CPED1: variants seen among roughly 807,000 people sequenced by gnomAD.
CPED1 encodes the protein cadherin-like and PC-esterase domain-containing protein 1.
CPED1 carries 114 observed loss-of-function variants against 128.2 expected under a neutral mutation model. The ratio of observed to expected loss-of-function variants is 0.89; its 90% CI spans 0.76 to 1.04. CPED1 has a LOEUF of 1.04. CPED1 is among the 50% of genes least tolerant of loss of function. CPED1 has a pLI of 0.00. For synonymous variants in CPED1, 462 were observed against 426.7 expected (o/e 1.08, Z -1.02); for missense variants, 1,211 against 1,207.1 (o/e 1.00, Z -0.05).
intron 3 of CPED1, among the ~76,000 whole-genome samples, chr7:121,017,727 A>G (rs1429968738): frequency 1.3e-5 from 2 of 152,160 alleles, no homozygotes; most frequent in East Asian, 1.9e-4. Flanking sequence ...CAGATGGATT[A>G]TATCTCCTCT....
intron 3 of CPED1, among the ~76,000 whole-genome samples, chr7:121,044,664 T>TTTTTTTTTTTTTTTTTTTA (rs1253162000): frequency 7.1e-6 from 1 of 141,016 alleles, no homozygotes; most frequent in African/African-American, 2.7e-5. Flanking sequence ...TTTTTTTTTT[T>TTTTTTTTTTTTTTTTTTTA]TTTTTGCTAT....
chr7:121,058,315 A>G lies in CPED1; in HGVS notation c.541-5923A>G, dbSNP rs559565872. Among the ~76,000 whole-genome samples the G allele has an allele frequency of 5.9e-5, 9 of 152,298 alleles. No homozygotes were observed. The East Asian group carries it at 1.3e-3, about 23-fold the overall frequency. ...ATTGTTTTGTCGAAGTAAGCTATCC[A>G]TCAAGCAAAGACCAAAACAGGGAGA... is the stretch of plus-strand genomic sequence containing the variant. On this transcript the variant is annotated intron_variant, in intron 4 of 22. Transcript: ENST00000310396.
intron 18 of CPED1, among the ~76,000 whole-genome samples, chr7:121,260,663 ATG>A (rs1187815183): frequency 6.6e-6 from 1 of 151,812 alleles, no homozygotes; most frequent in East Asian, 1.9e-4. Flanking sequence ...ATCTATAGCA[ATG>A]TGAAAGCTCT....
intron 16 of CPED1, among the ~76,000 whole-genome samples, chr7:121,167,057 A>G (rs1019254116): frequency 2.6e-5 from 4 of 152,150 alleles, no homozygotes; most frequent in Non-Finnish European, 5.9e-5. Flanking sequence ...CTCAGGGAGG[A>G]AGGTAAAAAC....
intron 4 of CPED1, among the ~76,000 whole-genome samples, chr7:121,063,621 A>G (rs1793744702): frequency 1.3e-5 from 2 of 152,176 alleles, no homozygotes; most frequent in African/African-American, 4.8e-5. Context: ...GTTGGTTTTA[A>G]CAAGGTTTTC....
chr7:121,203,548 C>T (rs993127368), intron 16 of CPED1, among the ~76,000 whole-genome samples: 4 of 152,114 alleles, frequency 2.6e-5, no homozygotes, highest in Admixed American at 1.3e-4. Flanking sequence ...GGCTCCCTAA[C>T]TGCCCCTGTG....
intron 7 of CPED1, 44 bp from the exon 8 acceptor site, chr7:121,124,283 AAACT>A (rs1355279537): frequency 6.5e-7 from 1 of 1,534,078 alleles, no homozygotes; most frequent in African/African-American, 1.4e-5. Flanking sequence ...AATGATAGAC[AAACT>A]GAGGCTATTG....
intron 16 of CPED1, among the ~76,000 whole-genome samples, chr7:121,221,921 A>C (rs1299645262): frequency 2.0e-5 from 3 of 152,062 alleles, no homozygotes; most frequent in Non-Finnish European, 4.4e-5. Flanking sequence ...GTTCACTCTG[A>C]TGGTAGTTTC....
At chr7:121,137,926 T>C (rs544562057) in intron 14 of CPED1, among the ~76,000 whole-genome samples, 1 of 152,214 alleles carries the variant, frequency 6.6e-6, no homozygotes, top group East Asian at 1.9e-4. Context: ...TTTTCTCATT[T>C]GTAAAATGAA....
intron 4 of CPED1, among the ~76,000 whole-genome samples, chr7:121,061,952 A>G (rs773100192): frequency 6.6e-6 from 1 of 152,204 alleles, no homozygotes; most frequent in African/African-American, 2.4e-5. Flanking sequence ...CCAGAGTAGA[A>G]TAGAGGTGAT....
At chr7:121,253,539 A>C (rs549787515) in intron 18 of CPED1, among the ~76,000 whole-genome samples, 41 of 152,194 alleles carry the variant, frequency 2.7e-4, no homozygotes, top group African/African-American at 9.1e-4. Context: ...CATAACAACC[A>C]GCTAATAAAA....
chr7:121,101,860 G>A (rs552879654), intron 7 of CPED1, among the ~76,000 whole-genome samples: 1 of 152,142 alleles, frequency 6.6e-6, no homozygotes, highest in African/African-American at 2.4e-5. Flanking sequence ...AGCCATTCAT[G>A]AGTGATCCAC....
At chr7:120,991,474 G>A (rs550868325) in intron 2 of CPED1, among the ~76,000 whole-genome samples, 13 of 152,276 alleles carry the variant, frequency 8.5e-5, no homozygotes, top group African/African-American at 2.4e-4. Flanking sequence ...ATTGAGAAAG[G>A]CAATTTCTTA....
chr7:121,087,494 G>C (rs938505517), intron 5 of CPED1, among the ~76,000 whole-genome samples: 1 of 152,040 alleles, frequency 6.6e-6, no homozygotes, highest in Non-Finnish European at 1.5e-5. Flanking sequence ...TCTGTATTTT[G>C]ACATTTTTTT....
At chr7:121,042,064 C>A (rs1215868357) in intron 3 of CPED1, among the ~76,000 whole-genome samples, 1 of 151,666 alleles carries the variant, frequency 6.6e-6, no homozygotes, top group Non-Finnish European at 1.5e-5. Context: ...CTATTTAAGA[C>A]CTTGGTAAGC....
intron 16 of CPED1, among the ~76,000 whole-genome samples, chr7:121,214,874 T>C (rs958243760): frequency 7.9e-5 from 12 of 152,032 alleles, no homozygotes; most frequent in African/African-American, 2.9e-4. Flanking sequence ...GATCAGTGAG[T>C]AATCTTTGAA....
intron 18 of CPED1, among the ~76,000 whole-genome samples, chr7:121,265,071 G>T (rs1792094237): frequency 6.6e-6 from 1 of 152,038 alleles, no homozygotes; most frequent in African/African-American, 2.4e-5. Flanking sequence ...TGTTGGTAGA[G>T]GCAGCATTCG....
intron 16 of CPED1, among the ~76,000 whole-genome samples, chr7:121,167,725 ATTTTTTTTTTTTT>A (rs10588976): frequency 1.0e-5 from 1 of 99,264 alleles, no homozygotes; most frequent in African/African-American, 4.2e-5. Context: ...TTTAAAGTCT[ATTTTTTTTTTTTT>A]TTTTTTTTTT....
intron 2 of CPED1, among the ~76,000 whole-genome samples, chr7:121,010,117 T>C (rs1792121608): frequency 6.6e-6 from 1 of 152,200 alleles, no homozygotes; most frequent in African/African-American, 2.4e-5. Flanking sequence ...ATTAAACAAA[T>C]AATATATAGT....
Sources: gnomAD v4.1 joint callset for allele counts (sites outside exome capture counted in the v4.1 genomes callset) on GRCh38, gnomAD v4.1.1 for gene constraint, MANE v1.5 for transcripts, NCBI Gene and HGNC (gene_info 2026-07-23, HGNC 2026-07-21) for gene names.